Variants in ADGRD2 observed in about 807,000 individuals in gnomAD.
ADGRD2 encodes G protein-coupled receptor PGR24.
A neutral mutation model predicts 44.4 loss-of-function variants in ADGRD2; 71 were observed. The ratio of observed to expected loss-of-function variants is 1.60; its 90% CI spans 1.32 to 1.95. The LOEUF is 1.95. Among genes scored for constraint, ADGRD2 ranks in the 30% most tolerant of loss-of-function variants. The pLI, the probability that ADGRD2 is intolerant of heterozygous loss-of-function variation, is 0.00. For synonymous variants in ADGRD2, 481 were observed against 224.8 expected, an observed-to-expected ratio of 2.14 and a Z score of -10.19; for missense variants, 1,039 against 512.4, an observed-to-expected ratio of 2.03 and a Z score of -9.92.
rs374820377 is a variant in ADGRD2, at chr9:124,452,544, A to G, written c.105A>G (p.Ala35=). Residue 35 remains alanine, a synonymous_variant, in exon 2 of 22, where the codon GCA becomes GCG. Coordinates refer to ENST00000334810, the Ensembl canonical transcript of ADGRD2. ...CCGCCGGCGAGGTGGTGAAGACTGC[A>G]GGTGGGGTGTGCAAGTTCTCTGGAC... is the stretch of plus-strand genomic sequence containing the variant. 5.6e-6 allele frequency: 4 copies of G among 718,444 alleles called. No individual in the cohort carries two copies. In the African/African-American group the frequency reaches 7.0e-5, roughly 13 times the overall value. The allele number at this position is 718,444 out of a possible 1,614,324, so 44.5% of individuals were successfully genotyped here. A position where few individuals can be genotyped will look rare whatever the true frequency, so the allele number is the denominator to read the frequency against.
At chr9:124,464,824 G>GTA (rs1441975136) in intron 10 of ADGRD2, among the ~76,000 whole-genome samples, 2 of 151,984 alleles carry the variant, frequency 1.3e-5, no homozygotes, top group African/African-American at 4.8e-5. Flanking sequence ...GTGTGTGTAT[G>GTA]TGTTTTCACA....
chr9:124,476,415 G>C (rs559618613), exon 20 of ADGRD2: 1 of 702,110 alleles, frequency 1.4e-6, no homozygotes, highest in East Asian at 2.7e-5. Context: ...CGGAGAGACA[G>C]GTGAGGCTGG....
At chr9:124,477,579 G>A (rs924788834) in intron 21 of ADGRD2, among the ~76,000 whole-genome samples, 1 of 152,246 alleles carries the variant, frequency 6.6e-6, no homozygotes, top group Non-Finnish European at 1.5e-5. Context: ...GCCAGAGCCA[G>A]GTCCCCACTG....
chr9:124,468,526 G>C (rs1211500079), exon 14 of ADGRD2: 1 of 718,548 alleles, frequency 1.4e-6, no homozygotes, highest in East Asian at 2.7e-5. Context: ...CAGGTGGCAT[G>C]TGTGGCTGTC....
chr9:124,473,703 C>T (rs938335156), intron 17 of ADGRD2, among the ~76,000 whole-genome samples: 56 of 152,176 alleles, frequency 3.7e-4, no homozygotes, highest in African/African-American at 1.3e-3. Flanking sequence ...CACACAACCA[C>T]AGTGTGTCAT....
At chr9:124,458,060 T>C in intron 8 of ADGRD2, 53 bp from the exon 12 acceptor site, 1 of 716,184 alleles carries the variant, frequency 1.4e-6, no homozygotes, top group Admixed American at 2.0e-5. Context: ...GGCCAACTGG[T>C]GGTGCTTGCC....
chr9:124,468,096 A>T, exon 13 of ADGRD2: 1 of 718,516 alleles, frequency 1.4e-6, no homozygotes. Context: ...AGGGTCCCCA[A>T]GTCAGAGCGA....
intron 10 of ADGRD2, among the ~76,000 whole-genome samples, chr9:124,462,874 TCTTCCTTTCTTCCTTC>T (rs370722110): frequency 0.024 from 3,626 of 151,866 alleles, 107 homozygotes; most frequent in African/African-American, 0.076. Flanking sequence ...CCAATCCATG[TCTTCCTTTCTTCCTTC>T]CTTCCTTTCT....
exon 7 of ADGRD2, chr9:124,456,654 T>C (rs951485440): frequency 1.4e-6 from 1 of 717,616 alleles, no homozygotes; most frequent in Non-Finnish European, 2.6e-6. Flanking sequence ...TGGTGGCGAG[T>C]GTGCAGCGCC....
chr9:124,456,502 C>T (rs1011254390), intron 6 of ADGRD2, 120 bp from the exon 10 acceptor site: 4 of 646,066 alleles, frequency 6.2e-6, no homozygotes, highest in South Asian at 5.2e-5. Context: ...TAAAGAGCCA[C>T]GGAGGGTCTG....
chr9:124,474,321 G>A (rs1832006296), intron 17 of ADGRD2, among the ~76,000 whole-genome samples: 1 of 151,946 alleles, frequency 6.6e-6, no homozygotes, highest in Non-Finnish European at 1.5e-5. Context: ...TGTCCCAGGG[G>A]TAGTTGGGAG....
At chr9:124,476,652 C>G (rs1588611275) in intron 20 of ADGRD2, 27 bp from the exon 24 acceptor site, 1 of 699,608 alleles carries the variant, frequency 1.4e-6, no homozygotes, top group Admixed American at 2.0e-5. Context: ...GTGGGGGCCA[C>G]CCCCGTGACA....
exon 3 of ADGRD2, chr9:124,453,137 C>G (rs1263978481): frequency 4.3e-6 from 3 of 701,768 alleles, no homozygotes; most frequent in Non-Finnish European, 7.8e-6. Context: ...ACCGCGTGTA[C>G]TCACGTGCAG....
chr9:124,459,877 C>T (rs13302558), intron 10 of ADGRD2, among the ~76,000 whole-genome samples: 7,463 of 152,134 alleles, frequency 0.049, 272 homozygotes, highest in Middle Eastern at 0.078. Context: ...AACCAATCTC[C>T]CGCAGGTAAT....
At chr9:124,476,657 G>A (rs754325437) in intron 20 of ADGRD2, 22 bp from the exon 24 acceptor site, 52 of 700,358 alleles carry the variant, frequency 7.4e-5, no homozygotes, top group Non-Finnish European at 1.1e-4. Context: ...GGCCACCCCC[G>A]TGACAGCCCC....
In ADGRD2 at chr9:124,469,363, G is replaced by A; in HGVS notation, c.2521+8G>A. 1.4e-6 allele frequency: 1 copy of A among 718,368 alleles called. No individual in the cohort carries two copies. The highest frequency in any genetic ancestry group is 1.5e-5 in the South Asian group (1 of 67,602). 44.5% of individuals were successfully genotyped at this position (718,368 alleles called of 1,614,324 possible). On this transcript the variant is annotated splice_region_variant and intron_variant, in intron 15 of 21. Coordinates refer to ENST00000334810, the Ensembl canonical transcript of ADGRD2. ...GTGCTCTTCGTGCTGACTGTGAGCT[G>A]GGGACCTGCAGGGGAGGGGCGTGTT... is the stretch of plus-strand genomic sequence containing the variant.
chr9:124,454,846 C>T lies in ADGRD2; in HGVS notation c.1114C>T (p.Leu372Phe). Reference sequence around the variant, plus strand: ...TCAGTGGCTCCTCTGTCCACAGCTCCTCCCGGACCCCCTCTCCGAAGTCCA... The same window carrying T: ...TCAGTGGCTCCTCTGTCCACAGCTCTTCCCGGACCCCCTCTCCGAAGTCCA... The change falls in exon 6 of 22, where the codon CTC becomes TTC. Residue 372 changes from leucine (L) to phenylalanine (F), a missense_variant. Transcript: ENST00000334810. The surrounding 1 kb of genome is among the most constrained non-coding windows in gnomAD (Gnocchi z 4.5). 3 of 697,238 alleles carry T rather than the reference C, an allele frequency of 4.3e-6. No homozygotes were observed. Among genetic ancestry groups the T allele is most frequent in the Non-Finnish European group, 7.9e-6 (3 of 378,194 alleles). 43.2% of individuals were successfully genotyped at this position (697,238 alleles called of 1,614,324 possible). A position where few individuals can be genotyped will look rare whatever the true frequency, so the allele number is the denominator to read the frequency against.
chr9:124,456,558 G>A lies in ADGRD2; in HGVS notation c.1394-64G>A, dbSNP rs7855939. The A allele has an allele frequency of 6.0e-3, 4,259 of 711,030 alleles. 116 individuals carry two copies. In the African/African-American group the frequency reaches 0.066, roughly 11 times the overall value. The allele number at this position is 711,030 out of a possible 1,614,324, so 44.0% of individuals were successfully genotyped here. ...CAGATCATGGAGCATTTATCCCAGCGCTCAGGGCAGGCGGCAGTGGGGTGC... is the reference window on the plus strand; with the variant it reads ...CAGATCATGGAGCATTTATCCCAGCACTCAGGGCAGGCGGCAGTGGGGTGC... On this transcript the variant is annotated intron_variant, in intron 6 of 21. Transcript: ENST00000334810.
chr9:124,458,274 GTCCCC>G (rs1412774327), intron 9 of ADGRD2, 38 bp downstream of exon 12: 15 of 716,152 alleles, frequency 2.1e-5, no homozygotes, highest in African/African-American at 3.5e-5. Context: ...GAGGGCCTGT[GTCCCC>G]TCCCCAAGGA....
Sources: gnomAD v4.1 joint callset for allele counts (sites outside exome capture counted in the v4.1 genomes callset) on GRCh38, gnomAD v4.1.1 for gene constraint, Gnocchi (gnomAD v3.1) non-coding constraint, MANE v1.5 for transcripts, NCBI Gene and HGNC (gene_info 2026-07-23, HGNC 2026-07-21) for gene names.